Variants in KIF3C observed in about 807,000 individuals in gnomAD.
The protein encoded by KIF3C is kinesin family member 3C, also known as kinesin-like protein KIF3C.
A neutral mutation model predicts 67.7 loss-of-function variants in KIF3C; 12 were observed. That is an observed-to-expected ratio of 0.18 (90% CI 0.11 to 0.29). KIF3C has a LOEUF of 0.29. Among genes scored for constraint, KIF3C ranks in the 10% least tolerant of loss-of-function variants. The probability of loss-of-function intolerance (pLI) is 1.00; values close to 1 mark genes in which losing one functional copy is unlikely to be tolerated. For synonymous variants in KIF3C, 393 were observed against 426.2 expected (o/e 0.92, Z 0.96); for missense variants, 789 against 1,059.6 (o/e 0.74, Z 3.55).
In KIF3C at chr2:25,955,910, C is replaced by T. The variant is rs764091134; in HGVS notation, c.1648-247G>A. Among the ~76,000 whole-genome samples the T allele has an allele frequency of 6.6e-6, 1 of 152,208 alleles. No homozygotes were observed. The highest frequency in any genetic ancestry group is 1.5e-5 in the Non-Finnish European group (1 of 68,030). On this transcript the variant is annotated intron_variant, in intron 2 of 7. Coordinates refer to ENST00000264712, the MANE Select transcript of KIF3C (RefSeq NM_002254.8). This position sits in a 1 kb window ranked among gnomAD's most constrained non-coding sequence, Gnocchi z 5.0. ...ACCCCAGCCCCTAAGAGCTGGCCTA[C>T]TCCAGAGGCGTTAGTCACACAGATG... is the stretch of plus-strand genomic sequence containing the variant.
At chr2:25,948,642 GAGAA>G (rs1663510949) in intron 5 of KIF3C, among the ~76,000 whole-genome samples, 1 of 136,412 alleles carries the variant, frequency 7.3e-6, no homozygotes. Flanking sequence ...GAGAGAGAAA[GAGAA>G]AGAGAGAAAG....
Position 25,981,207 on chromosome 2 carries a change from G to A in KIF3C, c.711C>T (p.Ile237=). 6.8e-6 allele frequency: 11 copies of A among 1,614,094 alleles called. No homozygotes were observed. Among genetic ancestry groups the A allele is most frequent in the South Asian group, 2.2e-5 (2 of 91,082 alleles). Residue 237 remains isoleucine (I), a synonymous_variant, in exon 1 of 8, where the codon ATC becomes ATT. Transcript: ENST00000264712. The surrounding 1 kb of genome is among the most constrained non-coding windows in gnomAD (Gnocchi z 8.2). ...SERGSDGQDH[I]RVGKLNLVDL... ...CCACGAGGTTGAGCTTGCCCACTCGGATGTGGTCCTGGCCATCAGAGCCAC... is the reference window on the plus strand; with the variant it reads ...CCACGAGGTTGAGCTTGCCCACTCGAATGTGGTCCTGGCCATCAGAGCCAC...
At chr2:25,959,731 C>T (rs1358065496) in intron 1 of KIF3C, among the ~76,000 whole-genome samples, 2 of 152,178 alleles carry the variant, frequency 1.3e-5, no homozygotes, top group East Asian at 1.9e-4. Flanking sequence ...TGAGCCACTG[C>T]ACCCGGCCAC....
Position 25,929,495 on chromosome 2 carries a change from T to C in KIF3C, c.2116-18A>G. 6.2e-7 allele frequency: 1 copy of C among 1,612,116 alleles called. No individual in the cohort carries two copies. Reference sequence around the variant, plus strand: ...TTTTCAGCCTGTGGTGGGAATATCATGCCAGGCTTGAACAGTGCCCAGTCA... The same window carrying C: ...TTTTCAGCCTGTGGTGGGAATATCACGCCAGGCTTGAACAGTGCCCAGTCA... On this transcript the variant is annotated intron_variant, in intron 6 of 7. Transcript: ENST00000264712.
chr2:25,954,171 A>G, intron 4 of KIF3C, 96 bp downstream of exon 4: 1 of 872,728 alleles, frequency 1.1e-6, no homozygotes, highest in Non-Finnish European at 2.0e-6. Flanking sequence ...GACTCATGGG[A>G]GAGGAGACAG....
intron 5 of KIF3C, among the ~76,000 whole-genome samples, chr2:25,939,025 A>C: frequency 6.8e-6 from 1 of 147,716 alleles, no homozygotes. Flanking sequence ...TCCCTTCCTC[A>C]CTCTGTCACC....
Position 25,929,033 on chromosome 2 carries a change from T to C in KIF3C, c.2327A>G (p.His776Arg). 2 of 1,613,716 alleles carry C rather than the reference T, an allele frequency of 1.2e-6. No individual in the cohort carries two copies. Among genetic ancestry groups the C allele is most frequent in the Non-Finnish European group, 1.7e-6 (2 of 1,179,914 alleles). The change falls in exon 8 of 8, where the codon CAT (histidine) becomes CGT (arginine). Residue 776 changes from histidine (H) to arginine (R), a missense_variant. His to Arg is a conservative substitution (Grantham distance 29). Around this residue, in one of 2 missense-constraint regions of KIF3C, gnomAD observed 648 missense variants for 807.8 expected, o/e 0.80. Transcript: ENST00000264712. The part of the protein sequence containing the change: ...SPQRPPPSTT[H>R]ASLASASLRP... ...CAGAGAAGCAGAGGCCAGGGAGGCA[T>C]GTGTGGTGGAAGGTGGAGGCCGCTG...
At position 25,927,024 on chromosome 2, in the gene KIF3C, A is replaced by G. The variant is rs1292153506; in HGVS notation, c.*1954T>C. 1 of 152,540 alleles carries G rather than the reference A, an allele frequency of 6.6e-6. No homozygotes were observed. Among genetic ancestry groups the G allele is most frequent in the Non-Finnish European group, 1.5e-5 (1 of 68,046 alleles). 9.4% of individuals were successfully genotyped at this position (152,540 alleles called of 1,614,324 possible). Reference sequence around the variant, plus strand: ...TGTAGAGTGTCCCCTGTGGAGGTAAACACGCACACAAACACGCACACACAT... The same window carrying G: ...TGTAGAGTGTCCCCTGTGGAGGTAAGCACGCACACAAACACGCACACACAT... On this transcript the variant is annotated 3_prime_UTR_variant, in exon 8 of 8. Transcript: ENST00000264712.
intron 1 of KIF3C, among the ~76,000 whole-genome samples, chr2:25,966,940 A>T (rs1378117008): frequency 6.6e-6 from 1 of 152,206 alleles, no homozygotes; most frequent in Non-Finnish European, 1.5e-5. Flanking sequence ...CAGACAGGCG[A>T]AGTGATTTGC....
intron 5 of KIF3C, among the ~76,000 whole-genome samples, chr2:25,948,978 T>G (rs1350423610): frequency 1.3e-5 from 2 of 151,418 alleles, no homozygotes; most frequent in African/African-American, 4.9e-5. Context: ...TCATGACAAT[T>G]AAATGAAATG....
chr2:25,942,670 A>T (rs1362166563), intron 5 of KIF3C, among the ~76,000 whole-genome samples: 1 of 152,164 alleles, frequency 6.6e-6, no homozygotes, highest in Non-Finnish European at 1.5e-5. Context: ...TTGGCCTCCC[A>T]AAGTGCTGGG....
Position 25,968,917 on chromosome 2 carries a change from G to A in KIF3C, c.1545+11456C>T, listed in dbSNP as rs572787140. ...CGGCTCACCGCAACATCCGCCTTCCGGGTTCAAGTGATTCTCCTGCCTCAG... is the reference window on the plus strand; with the variant it reads ...CGGCTCACCGCAACATCCGCCTTCCAGGTTCAAGTGATTCTCCTGCCTCAG... On this transcript the variant is annotated intron_variant, in intron 1 of 7. Coordinates refer to ENST00000264712, the MANE Select transcript of KIF3C (RefSeq NM_002254.8). 7.9e-5 allele frequency among the ~76,000 whole-genome samples: 12 copies of A among 151,940 alleles called. No homozygotes were observed. The South Asian group carries it at 1.9e-3, about 24-fold the overall frequency.
intron 4 of KIF3C, 81 bp from the exon 5 acceptor site, chr2:25,951,986 A>G: frequency 1.0e-6 from 1 of 991,554 alleles, no homozygotes; most frequent in Non-Finnish European, 1.6e-6. Context: ...AAGGATTAGA[A>G]GCAACAAGCC....
In KIF3C at chr2:25,951,874, C is replaced by T. The variant is rs778763003; in HGVS notation, c.1921G>A (p.Glu641Lys). The T allele has an allele frequency of 6.2e-7, 1 of 1,614,000 alleles. No homozygotes were observed. Among genetic ancestry groups the T allele is most frequent in the South Asian group, 1.1e-5 (1 of 91,084 alleles). The change falls in exon 5 of 8, where the codon GAG (glutamate) becomes AAG (lysine). Residue 641 changes from glutamate (E) to lysine (K), a missense_variant. This residue lies in a region of KIF3C where 648 missense variants were observed against 807.8 expected (regional missense o/e 0.80). Transcript: ENST00000264712. ...CGGTTCATGATCTTGTTCTTCTCCTCCGGCGGGATGAAGTTCTCGATGATT... is the reference window on the plus strand; with the variant it reads ...CGGTTCATGATCTTGTTCTTCTCCTTCGGCGGGATGAAGTTCTCGATGATT... ...YLIIENFIPP[E>K]EKNKIMNRLF...
intron 5 of KIF3C, among the ~76,000 whole-genome samples, chr2:25,932,002 T>TC (rs2090464177): frequency 4.2e-5 from 6 of 143,974 alleles, no homozygotes; most frequent in Non-Finnish European, 9.1e-5. Flanking sequence ...TCTTCTGTTT[T>TC]GTTTTTTTTT....
rs534521050 is a variant in KIF3C at position 25,979,378 on chromosome 2, C to G, written c.1545+995G>C. ...AGGGTTATGGGGAATTGGATATTAA[C>G]TGTGATGAGGCCTCGGGGCAGGGGT... On this transcript the variant is annotated intron_variant, in intron 1 of 7. Coordinates refer to ENST00000264712, the MANE Select transcript of KIF3C (RefSeq NM_002254.8). Among the ~76,000 whole-genome samples, 7 of 152,266 alleles carry G rather than the reference C, an allele frequency of 4.6e-5. No homozygotes were observed. The South Asian group carries it at 8.3e-4, about 18-fold the overall frequency.
chr2:25,948,632 GAGAGAGAAAGAGAA>G (rs367546203), intron 5 of KIF3C, among the ~76,000 whole-genome samples: 5,032 of 100,586 alleles, frequency 0.05, 117 homozygotes, highest in African/African-American at 0.13. Context: ...GAGAGAAAGA[GAGAGAGAAAGAGAA>G]AGAGAGAAAG....
intron 1 of KIF3C, among the ~76,000 whole-genome samples, chr2:25,962,914 TATATATA>T (rs1258203640): frequency 0.12 from 6,510 of 54,550 alleles, 1,462 homozygotes; most frequent in East Asian, 0.85. Flanking sequence ...TAATATATAA[TATATATA>T]ATATATAATA....
At chr2:25,929,651 T>C (rs934203074) in intron 6 of KIF3C, among the ~76,000 whole-genome samples, 174 bp from the exon 7 acceptor site, 3 of 151,614 alleles carry the variant, frequency 2.0e-5, no homozygotes, top group African/African-American at 7.3e-5. Context: ...AGTCTCACTC[T>C]GTTGCCCAGG....
Sources: allele counts gnomAD v4.1 joint callset (sites outside exome capture counted in the v4.1 genomes callset), GRCh38; gene constraint gnomAD v4.1.1; regional missense constraint gnomAD v4.1.1; non-coding constraint Gnocchi (gnomAD v3.1); transcripts MANE v1.5; gene names NCBI Gene and HGNC (gene_info 2026-07-23, HGNC 2026-07-21).